HS3ST4: variants seen among roughly 807,000 people sequenced by gnomAD.
HS3ST4 encodes the protein heparan sulfate-glucosamine 3-sulfotransferase 4, also known as heparan sulfate glucosamine 3-O-sulfotransferase 4.
HS3ST4 carries 17 observed loss-of-function variants against 29.2 expected under a neutral mutation model. The observed-to-expected ratio is 0.58, with a 90% CI of 0.40 to 0.87. The LOEUF is 0.87. Among genes scored for constraint, HS3ST4 ranks in the 40% least tolerant of loss-of-function variants. The pLI is 0.00. For synonymous variants in HS3ST4, 314 were observed against 285.7 expected (o/e 1.10, Z -1.00); for missense variants, 627 against 634.5 (o/e 0.99, Z 0.13).
intron 1 of HS3ST4, chr16:26,032,912 A>G (rs529177452): frequency 1.1e-5 from 10 of 898,898 alleles, no homozygotes; most frequent in Non-Finnish European, 1.8e-5. Context: ...TCTTCTTCAC[A>G]CTGCTCCGGA....
chr16:26,056,209 G>A (rs766030420), intron 1 of HS3ST4, among the ~76,000 whole-genome samples: 3 of 152,172 alleles, frequency 2.0e-5, no homozygotes, highest in Non-Finnish European at 4.4e-5. Context: ...ACGAATCCTT[G>A]TCAATTTCTA....
chr16:25,794,836 AT>A (rs1475306544), intron 1 of HS3ST4, among the ~76,000 whole-genome samples: 3 of 149,900 alleles, frequency 2.0e-5, no homozygotes, highest in African/African-American at 7.4e-5. Flanking sequence ...ACCTGGTCCC[AT>A]TCTCTTTACT....
At chr16:26,093,557 A>G (rs1225176728) in intron 1 of HS3ST4, among the ~76,000 whole-genome samples, 1 of 152,220 alleles carries the variant, frequency 6.6e-6, no homozygotes, top group African/African-American at 2.4e-5. Context: ...ACAGAAAGGA[A>G]TAGCATCAAC....
intron 1 of HS3ST4, among the ~76,000 whole-genome samples, chr16:25,788,654 C>T (rs1293946396): frequency 6.6e-6 from 1 of 150,580 alleles, no homozygotes; most frequent in Non-Finnish European, 1.5e-5. Context: ...TATCCTCCCA[C>T]CTTTGCCTCC....
At chr16:25,879,270 C>T (rs552423786) in intron 1 of HS3ST4, among the ~76,000 whole-genome samples, 190 of 152,262 alleles carry the variant, frequency 1.2e-3, no homozygotes, top group Non-Finnish European at 2.2e-3. Context: ...AGAAAGAATG[C>T]ACTGTCTCAC....
chr16:25,837,397 G>A (rs919789390), intron 1 of HS3ST4, among the ~76,000 whole-genome samples: 16 of 152,142 alleles, frequency 1.1e-4, no homozygotes, highest in African/African-American at 3.6e-4. Flanking sequence ...AAAATGATGA[G>A]GATTATTTTC....
chr16:26,119,042 T>C lies in HS3ST4; in HGVS notation c.735-16570T>C, dbSNP rs546610663. Reference sequence around the variant, plus strand: ...TCACAATAATAGTATCAATGAAACATTATTCTTATCGTTAGAGTATTCATT... The same window carrying C: ...TCACAATAATAGTATCAATGAAACACTATTCTTATCGTTAGAGTATTCATT... On this transcript the variant is annotated intron_variant, in intron 1 of 1. Transcript: ENST00000331351. Among the ~76,000 whole-genome samples the C allele has an allele frequency of 2.0e-5, 3 of 152,326 alleles. No homozygotes were observed. In the East Asian group the frequency reaches 5.8e-4, roughly 29 times the overall value.
chr16:25,923,713 C>T (rs550384968), intron 1 of HS3ST4, among the ~76,000 whole-genome samples: 39 of 152,288 alleles, frequency 2.6e-4, no homozygotes, highest in African/African-American at 8.4e-4. Flanking sequence ...ACTGCCTGCA[C>T]AGAAAGATCT....
Position 26,136,463 on chromosome 16 carries a change from C to A in HS3ST4, c.*215C>A. On this transcript the variant is annotated 3_prime_UTR_variant, in exon 2 of 2. Coordinates refer to ENST00000331351, the MANE Select transcript of HS3ST4 (RefSeq NM_006040.3). ...GGAACCAGGCCCATCTGGGCAGCAG[C>A]ATCTGGTTGACCAGATGGCCACCAG... 1 of 583,084 alleles carries A rather than the reference C, an allele frequency of 1.7e-6. No individual in the cohort carries two copies. The highest frequency in any genetic ancestry group is 2.8e-5 in the East Asian group (1 of 35,126). The allele number at this position is 583,084 out of a possible 1,614,324, so 36.1% of individuals were successfully genotyped here.
chr16:25,994,975 G>T (rs984393057), intron 1 of HS3ST4, among the ~76,000 whole-genome samples: 5 of 152,156 alleles, frequency 3.3e-5, no homozygotes, highest in African/African-American at 4.8e-5. Flanking sequence ...CTGGGAACTG[G>T]ATTTCTTTTT....
chr16:25,860,771 G>C (rs1362615981), intron 1 of HS3ST4, among the ~76,000 whole-genome samples: 1 of 152,192 alleles, frequency 6.6e-6, no homozygotes, highest in African/African-American at 2.4e-5. Context: ...AAATTACTCT[G>C]TATGATACTA....
At chr16:25,730,448 CCCTTCTTCCTT>C (rs1326887653) in intron 1 of HS3ST4, among the ~76,000 whole-genome samples, 1 of 145,460 alleles carries the variant, frequency 6.9e-6, no homozygotes, top group Non-Finnish European at 1.5e-5. Flanking sequence ...CTCCCTCTCT[CCCTTCTTCCTT>C]CCTTCCTTCT....
Position 26,098,477 on chromosome 16 carries a change from C to T in HS3ST4, c.735-37135C>T, listed in dbSNP as rs555008482. 3.3e-5 allele frequency among the ~76,000 whole-genome samples: 5 copies of T among 152,212 alleles called. No homozygotes were observed. In the South Asian group the frequency reaches 1.0e-3, roughly 32 times the overall value. On this transcript the variant is annotated intron_variant, in intron 1 of 1. Transcript: ENST00000331351. Reference sequence around the variant, plus strand: ...GAAACCATCATTCTCAGCAAACTATCACAAGGACAGAAAACTGAACACTGC... The same window carrying T: ...GAAACCATCATTCTCAGCAAACTATTACAAGGACAGAAAACTGAACACTGC...
chr16:25,727,924 T>G (rs1966547805), intron 1 of HS3ST4, among the ~76,000 whole-genome samples: 1 of 152,150 alleles, frequency 6.6e-6, no homozygotes, highest in Non-Finnish European at 1.5e-5. Flanking sequence ...TTGAAGAAAG[T>G]AGGTTTGGCT....
At chr16:26,106,890 C>T (rs984128396) in intron 1 of HS3ST4, among the ~76,000 whole-genome samples, 1 of 152,198 alleles carries the variant, frequency 6.6e-6, no homozygotes, top group African/African-American at 2.4e-5. Flanking sequence ...TGGGCAAGGG[C>T]TTAGGCAAAG....
intron 1 of HS3ST4, among the ~76,000 whole-genome samples, chr16:25,890,204 C>T (rs1474462545): frequency 6.6e-6 from 1 of 152,120 alleles, no homozygotes; most frequent in African/African-American, 2.4e-5. Flanking sequence ...CACAATTTGC[C>T]CCAAGTCACA....
chr16:25,879,505 T>C (rs1189029727), intron 1 of HS3ST4, among the ~76,000 whole-genome samples: 2 of 152,036 alleles, frequency 1.3e-5, no homozygotes, highest in African/African-American at 4.8e-5. Context: ...TTCCCGTTTT[T>C]AAAACCATCA....
chr16:26,082,054 C>T (rs1280459251), intron 1 of HS3ST4, among the ~76,000 whole-genome samples: 1 of 152,152 alleles, frequency 6.6e-6, no homozygotes, highest in African/African-American at 2.4e-5. Flanking sequence ...CTTGGCCTCC[C>T]AAAGTGCTGG....
chr16:25,801,251 G>A (rs905083568), intron 1 of HS3ST4, among the ~76,000 whole-genome samples: 9 of 152,142 alleles, frequency 5.9e-5, no homozygotes, highest in Non-Finnish European at 1.3e-4. Context: ...ATTTCATGAA[G>A]TTCTGACCTA....
Sources: gnomAD v4.1 joint callset for allele counts (sites outside exome capture counted in the v4.1 genomes callset) on GRCh38, gnomAD v4.1.1 for gene constraint, MANE v1.5 for transcripts, NCBI Gene and HGNC (gene_info 2026-07-23, HGNC 2026-07-21) for gene names.